TMBIM4: variants seen among roughly 807,000 people sequenced by gnomAD.
TMBIM4 encodes the protein transmembrane BAX inhibitor motif containing 4, also known as protein lifeguard 4.
In TMBIM4, 28 loss-of-function variants were observed where a neutral mutation model predicts 27.7. That is an observed-to-expected ratio of 1.01 (90% CI 0.75 to 1.38). The LOEUF is 1.38. Ranked by LOEUF, TMBIM4 falls within the 40% of genes most tolerant of loss-of-function variation. The pLI is 0.00. For missense variants in TMBIM4, 265 were observed against 277.5 expected (o/e 0.95, Z 0.32); for synonymous variants, 115 against 113.1 (o/e 1.02, Z -0.11).
intron 1 of TMBIM4, among the ~76,000 whole-genome samples, chr12:66,154,437 A>T (rs1256231433): frequency 1.3e-5 from 2 of 152,202 alleles, no homozygotes; most frequent in Non-Finnish European, 2.9e-5. Context: ...TTGCATAAAC[A>T]GTCGTTAAAT....
chr12:66,148,309 A>T (rs998245044), intron 3 of TMBIM4, among the ~76,000 whole-genome samples: 5 of 152,248 alleles, frequency 3.3e-5, no homozygotes, highest in Non-Finnish European at 7.3e-5. Flanking sequence ...ACATAGGAAG[A>T]ATAAAATATT....
intron 1 of TMBIM4, among the ~76,000 whole-genome samples, chr12:66,166,472 AAAAAAAAAAAAAG>A (rs1170747141): frequency 0.016 from 1,249 of 77,704 alleles, 9 homozygotes; most frequent in African/African-American, 0.041. Context: ...CTCAAAAAAA[AAAAAAAAAAAAAG>A]AAAAAGAAAA....
At chr12:66,145,789 T>A (rs1394002986) in intron 5 of TMBIM4, 52 bp downstream of exon 5, 1 of 1,063,776 alleles carries the variant, frequency 9.4e-7, no homozygotes, top group Non-Finnish European at 1.4e-6. Flanking sequence ...CAAAACCACC[T>A]ATAATAATTA....
intron 5 of TMBIM4, among the ~76,000 whole-genome samples, chr12:66,141,275 TTATG>T (rs1242159170): frequency 6.6e-6 from 1 of 152,116 alleles, no homozygotes; most frequent in East Asian, 1.9e-4. Flanking sequence ...TAATAATGTA[TTATG>T]GAGTTTATAA....
At chr12:66,167,377 GTTCT>G (rs2052149848) in intron 1 of TMBIM4, among the ~76,000 whole-genome samples, 1 of 152,184 alleles carries the variant, frequency 6.6e-6, no homozygotes, top group South Asian at 2.1e-4. Flanking sequence ...TAAGAACTCT[GTTCT>G]TTCTGCTAAA....
At chr12:66,168,077 C>T (rs2052161990) in intron 1 of TMBIM4, among the ~76,000 whole-genome samples, 1 of 151,896 alleles carries the variant, frequency 6.6e-6, no homozygotes, top group Non-Finnish European at 1.5e-5. Context: ...AAAAATTAGC[C>T]AGGCCTGGTG....
At chr12:66,146,431 C>T (rs1271800607) in intron 4 of TMBIM4, among the ~76,000 whole-genome samples, 3 of 152,050 alleles carry the variant, frequency 2.0e-5, no homozygotes, top group Admixed American at 6.6e-5. Flanking sequence ...TTTATCAGCC[C>T]AAATCAAGGA....
intron 5 of TMBIM4, among the ~76,000 whole-genome samples, chr12:66,141,620 T>C (rs1460721714): frequency 6.6e-6 from 1 of 150,946 alleles, no homozygotes; most frequent in Non-Finnish European, 1.5e-5. Flanking sequence ...ACATTAAAAA[T>C]AAAAGGATAG....
chr12:66,163,812 G>A lies in TMBIM4; in HGVS notation c.97+6043C>T, dbSNP rs112405024. 3.2e-3 allele frequency among the ~76,000 whole-genome samples: 484 copies of A among 152,288 alleles called. 6 individuals carry two copies. The highest frequency in any genetic ancestry group is 0.011 in the African/African-American group (468 of 41,560). ...CAAACTCTTCCAAAAAACTGAAGAG[G>A]AGGGAACCCTTCAAACTCATTTTAT... On this transcript the variant is annotated intron_variant, in intron 1 of 6. Coordinates refer to ENST00000358230, the MANE Select transcript of TMBIM4 (RefSeq NM_016056.4).
At position 66,147,785 on chromosome 12, in the gene TMBIM4, T is replaced by A. The variant is rs921287082; in HGVS notation, c.346+123A>T. ...TATACTTTAGAAATTATTTGTCCTA[T>A]GCTATATTTCTGAAATATGATATTC... On this transcript the variant is annotated intron_variant, in intron 4 of 6. Coordinates refer to ENST00000358230, the MANE Select transcript of TMBIM4 (RefSeq NM_016056.4). 6 of 677,706 alleles carry A rather than the reference T, an allele frequency of 8.9e-6. No individual in the cohort carries two copies. In the Admixed American group the frequency reaches 1.7e-4, roughly 19 times the overall value. The allele number at this position is 677,706 out of a possible 1,614,324, so 42.0% of individuals were successfully genotyped here. A position where few individuals can be genotyped will look rare whatever the true frequency, so the allele number is the denominator to read the frequency against.
intron 3 of TMBIM4, 25 bp downstream of exon 3, chr12:66,152,246 G>T: frequency 7.2e-7 from 1 of 1,396,526 alleles, no homozygotes; most frequent in Non-Finnish European, 9.9e-7. Context: ...ATTGTTAAGG[G>T]AATAGAGAAA....
chr12:66,145,969 A>G lies in TMBIM4; in HGVS notation c.347-11T>C, dbSNP rs1388896011. On this transcript the variant is annotated splice_polypyrimidine_tract_variant and intron_variant, in intron 4 of 6. Coordinates refer to ENST00000358230, the MANE Select transcript of TMBIM4 (RefSeq NM_016056.4). ...CATCATAGAAAGTAACTGTAAAATT[A>G]AAACACTGATTAACATGCATATAAA... is the stretch of plus-strand genomic sequence containing the variant. 3.6e-6 allele frequency: 5 copies of G among 1,400,114 alleles called. No homozygotes were observed. In the African/African-American group the frequency reaches 7.2e-5, roughly 20 times the overall value. The allele number at this position is 1,400,114 out of a possible 1,614,324, so 86.7% of individuals were successfully genotyped here.
chr12:66,144,280 A>G (rs1592536571), intron 5 of TMBIM4, among the ~76,000 whole-genome samples: 1 of 152,140 alleles, frequency 6.6e-6, no homozygotes, highest in African/African-American at 2.4e-5. Flanking sequence ...TCCCACCCCG[A>G]AAAACTACTG....
Position 66,142,448 on chromosome 12 carries a change from G to A in TMBIM4, c.464+3393C>T, listed in dbSNP as rs150780911. 8.8e-4 allele frequency among the ~76,000 whole-genome samples: 132 copies of A among 150,298 alleles called. 1 individual carries two copies. The highest frequency in any genetic ancestry group is 5.8e-3 in the South Asian group (27 of 4,688). ...ACAAGTTAGCCTGGCACAGTTTCAT[G>A]GATGCATCAAGCTCCTAGGTCTGAG... On this transcript the variant is annotated intron_variant, in intron 5 of 6. Coordinates refer to ENST00000358230, the MANE Select transcript of TMBIM4 (RefSeq NM_016056.4).
chr12:66,140,053 A>G (rs1452411838), intron 5 of TMBIM4, among the ~76,000 whole-genome samples: 1 of 152,242 alleles, frequency 6.6e-6, no homozygotes, highest in Non-Finnish European at 1.5e-5. Context: ...TAAAGTTAAT[A>G]CAACAAAATT....
chr12:66,141,796 T>C (rs1334218503), intron 5 of TMBIM4, among the ~76,000 whole-genome samples: 1 of 152,134 alleles, frequency 6.6e-6, no homozygotes, highest in Admixed American at 6.5e-5. Context: ...CAATCCTAAA[T>C]GTTTCTGCAT....
At chr12:66,155,335 TGAGAGAGA>T (rs71697123) in intron 1 of TMBIM4, among the ~76,000 whole-genome samples, 2 of 131,712 alleles carry the variant, frequency 1.5e-5, no homozygotes. Context: ...TGCACACGTG[TGAGAGAGA>T]GAGAGAGAGA....
Position 66,137,838 on chromosome 12 carries a change from A to C in TMBIM4, c.*122T>G. The C allele has an allele frequency of 1.4e-6, 1 of 700,946 alleles. No homozygotes were observed. Among genetic ancestry groups the C allele is most frequent in the Non-Finnish European group, 2.3e-6 (1 of 431,078 alleles). The allele number at this position is 700,946 out of a possible 1,614,324, so 43.4% of individuals were successfully genotyped here. The stretch of plus-strand genomic sequence containing the variant: ...CAAATAAAGATTGTAACAGTATTTA[A>C]TCATTGTTTCAAACTTTATTACTTA... On this transcript the variant is annotated 3_prime_UTR_variant, in exon 7 of 7. Transcript: ENST00000358230.
intron 1 of TMBIM4, among the ~76,000 whole-genome samples, chr12:66,162,053 C>G (rs569508377): frequency 6.7e-6 from 1 of 150,036 alleles, no homozygotes; most frequent in Non-Finnish European, 1.5e-5. Flanking sequence ...CTTTCTACTA[C>G]ACTGTACTAT....
Sources: allele counts gnomAD v4.1 joint callset (sites outside exome capture counted in the v4.1 genomes callset), GRCh38; gene constraint gnomAD v4.1.1; transcripts MANE v1.5; gene names NCBI Gene and HGNC (gene_info 2026-07-23, HGNC 2026-07-21).